The following PCNX1 variants were observed in gnomAD, a reference collection of about 807,000 sequenced individuals.
The protein encoded by PCNX1 is pecanex-like protein 1.
PCNX1 carries 78 observed loss-of-function variants against 242.2 expected under a neutral mutation model. That is an observed-to-expected ratio of 0.32 (90% confidence interval 0.27 to 0.39). PCNX1 has a LOEUF of 0.39. PCNX1 is among the 10% of genes least tolerant of loss of function. PCNX1 has a pLI of 1.00. For synonymous variants in PCNX1, 1,024 were observed against 1,032.9 expected (o/e 0.99, Z 0.17); for missense variants, 2,581 against 2,856.5 (o/e 0.90, Z 2.20).
chr14:71,102,026 A>G lies in PCNX1; in HGVS notation c.5626A>G (p.Thr1876Ala), dbSNP rs147560725. The G allele has an allele frequency of 1.3e-4, 213 of 1,612,360 alleles. No individual in the cohort carries two copies. The highest frequency in any genetic ancestry group is 1.6e-4 in the Non-Finnish European group (183 of 1,178,444). The change falls in exon 31 of 36, where the codon ACT (threonine) becomes GCT (alanine). Residue 1876 changes from threonine (T) to alanine (A), a missense_variant. Around this residue, in one of 9 missense-constraint regions of PCNX1, gnomAD observed 298 missense variants for 480.1 expected, o/e 0.62. Coordinates refer to ENST00000304743, the MANE Select transcript of PCNX1 (RefSeq NM_014982.3). ...TTCTCCAGATGAATATGATGACCCT[A>G]CTGTGCTCTATGAAGCCATAGTATC... is the stretch of plus-strand genomic sequence containing the variant. The part of the protein sequence containing the change: ...FTSPDEYDDP[T>A]VLYEAIVSHE...
chr14:70,988,562 T>C lies in PCNX1; in HGVS notation c.2312-5T>C, dbSNP rs773338595. 1.9e-6 allele frequency: 3 copies of C among 1,613,466 alleles called. No individual in the cohort carries two copies. The highest frequency in any genetic ancestry group is 1.3e-5 in the African/African-American group (1 of 74,930). Reference sequence around the variant, plus strand: ...CTTGTTTGACCTAAGTCTGTCTTGATGCAGCAGCACAAGCCAGCGAGGAGG... The same window carrying C: ...CTTGTTTGACCTAAGTCTGTCTTGACGCAGCAGCACAAGCCAGCGAGGAGG... On this transcript the variant is annotated splice_region_variant and splice_polypyrimidine_tract_variant and intron_variant, in intron 6 of 35. Coordinates refer to ENST00000304743, the MANE Select transcript of PCNX1 (RefSeq NM_014982.3).
At chr14:71,096,221 G>A (rs1446936908) in intron 30 of PCNX1, among the ~76,000 whole-genome samples, 5 of 152,136 alleles carry the variant, frequency 3.3e-5, no homozygotes, top group Non-Finnish European at 5.9e-5. Context: ...GGGAGGCTGA[G>A]GCAGGAGAAT....
intron 24 of PCNX1, among the ~76,000 whole-genome samples, chr14:71,052,430 C>T (rs910961173): frequency 6.6e-5 from 10 of 152,080 alleles, no homozygotes; most frequent in Non-Finnish European, 8.8e-5. Flanking sequence ...CTATACTGCT[C>T]TCAAACTCTT....
chr14:71,042,320 A>G (rs1771061197), intron 19 of PCNX1, among the ~76,000 whole-genome samples: 1 of 152,124 alleles, frequency 6.6e-6, no homozygotes, highest in Admixed American at 6.6e-5. Flanking sequence ...TAGCTTTAAT[A>G]ATATTTGCCT....
intron 28 of PCNX1, among the ~76,000 whole-genome samples, chr14:71,087,751 T>A (rs905161156): frequency 6.6e-5 from 10 of 152,290 alleles, no homozygotes; most frequent in Non-Finnish European, 1.5e-5. Flanking sequence ...AATCAGTGAT[T>A]ATTATTTGGG....
chr14:70,968,877 T>G, intron 4 of PCNX1, 144 bp from the exon 5 acceptor site: 1 of 567,238 alleles, frequency 1.8e-6, no homozygotes, highest in Non-Finnish European at 3.2e-6. Flanking sequence ...CAGTGCATCT[T>G]CCATTATTGT....
chr14:71,063,064 G>A (rs559158506), intron 26 of PCNX1, among the ~76,000 whole-genome samples: 22 of 152,248 alleles, frequency 1.4e-4, no homozygotes, highest in African/African-American at 5.3e-4. Context: ...ATTCTATGAT[G>A]TTTGCACAAC....
At chr14:70,926,077 CCTT>C (rs1200376666) in intron 1 of PCNX1, among the ~76,000 whole-genome samples, 1 of 152,130 alleles carries the variant, frequency 6.6e-6, no homozygotes, top group Admixed American at 6.5e-5. Flanking sequence ...TCTTGGCTCT[CCTT>C]CTTGACCAAC....
chr14:70,922,823 ATAAGAC>A, intron 1 of PCNX1, among the ~76,000 whole-genome samples: 1 of 148,890 alleles, frequency 6.7e-6, no homozygotes, highest in South Asian at 2.1e-4. Context: ...ACTTACGTAT[ATAAGAC>A]TTGTGGGATT....
chr14:70,932,503 G>A (rs2056840822), intron 1 of PCNX1, among the ~76,000 whole-genome samples: 1 of 151,808 alleles, frequency 6.6e-6, no homozygotes, highest in Non-Finnish European at 1.5e-5. Context: ...TTCCTTTATT[G>A]TGCTAACAGA....
intron 30 of PCNX1, 99 bp from the exon 31 acceptor site, chr14:71,101,887 TATTC>T (rs768837540): frequency 1.7e-4 from 97 of 582,358 alleles, no homozygotes; most frequent in Non-Finnish European, 2.5e-4. Context: ...TGTGTTGAAA[TATTC>T]ATAATAAACC....
intron 1 of PCNX1, among the ~76,000 whole-genome samples, chr14:70,937,524 T>C (rs2057058556): frequency 6.6e-6 from 1 of 151,402 alleles, no homozygotes; most frequent in Non-Finnish European, 1.5e-5. Context: ...CCATGCTGTT[T>C]TGGTTACTGT....
At chr14:70,978,670 A>G (rs765596620) in intron 6 of PCNX1, 22 bp downstream of exon 6, 2 of 1,580,256 alleles carry the variant, frequency 1.3e-6, no homozygotes, top group South Asian at 2.4e-5. Flanking sequence ...GTAAGAAGAG[A>G]TTTCTGTAAG....
chr14:71,007,551 A>T (rs1278551652), intron 8 of PCNX1, among the ~76,000 whole-genome samples: 1 of 152,152 alleles, frequency 6.6e-6, no homozygotes, highest in Non-Finnish European at 1.5e-5. Flanking sequence ...ACTGAGTTTC[A>T]TATGCAGTAA....
At chr14:71,080,498 T>G (rs981703721) in intron 28 of PCNX1, among the ~76,000 whole-genome samples, 11 of 152,178 alleles carry the variant, frequency 7.2e-5, no homozygotes, top group Non-Finnish European at 1.5e-5. Flanking sequence ...ATTCTTCCTA[T>G]CCATGAGCAT....
At position 70,994,426 on chromosome 14, in the gene PCNX1, T is replaced by TATATATATATATATATATATATAG. The variant is rs1387360991; in HGVS notation, c.2445-1311_2445-1310insATATATATATATATATATAGATAT. 5.2e-4 allele frequency among the ~76,000 whole-genome samples: 60 copies of TATATATATATATATATATATATAG among 114,960 alleles called. 1 individual carries two copies. The highest frequency in any genetic ancestry group is 3.9e-3 in the Middle Eastern group (1 of 258). The allele number at this position is 114,960 out of a possible 152,430, so 75.4% of individuals were successfully genotyped here. The stretch of plus-strand genomic sequence containing the variant: ...ATATATATATATATATATATATATA[T>TATATATATATATATATATATATAG]ATATGTATGTATGTATGTTTCAACA... On this transcript the variant is annotated intron_variant, in intron 7 of 35. Transcript: ENST00000304743.
intron 10 of PCNX1, chr14:71,012,758 G>A: frequency 2.3e-6 from 1 of 442,022 alleles, no homozygotes; most frequent in South Asian, 2.3e-5. Flanking sequence ...CTTGAACCGG[G>A]GAGGCAGAGG....
At chr14:71,022,364 A>G (rs766699028) in intron 12 of PCNX1, among the ~76,000 whole-genome samples, 1 of 152,180 alleles carries the variant, frequency 6.6e-6, no homozygotes, top group Non-Finnish European at 1.5e-5. Flanking sequence ...TTTTGCAACT[A>G]GTTGACTAGA....
At chr14:70,959,470 A>G (rs2140451566) in intron 2 of PCNX1, among the ~76,000 whole-genome samples, 1 of 146,046 alleles carries the variant, frequency 6.8e-6, no homozygotes, top group East Asian at 2.0e-4. Flanking sequence ...ATGAGTGAGA[A>G]TATGCGGTGT....
Sources: allele counts gnomAD v4.1 joint callset (sites outside exome capture counted in the v4.1 genomes callset), GRCh38; gene constraint gnomAD v4.1.1; regional missense constraint gnomAD v4.1.1; transcripts MANE v1.5; gene names NCBI Gene and HGNC (gene_info 2026-07-23, HGNC 2026-07-21).